MYOM2: variants seen among roughly 807,000 people sequenced by gnomAD.
MYOM2 encodes the protein myomesin-2.
Under a neutral mutation model 187.6 loss-of-function variants are expected in MYOM2, and 254 were observed. The ratio of observed to expected loss-of-function variants is 1.35; its 90% CI spans 1.22 to 1.50. The LOEUF is 1.50. Ranked by LOEUF, MYOM2 falls within the 40% of genes most tolerant of loss-of-function variation. The probability of loss-of-function intolerance (pLI) is 0.00; values close to 1 mark genes in which losing one functional copy is unlikely to be tolerated. For synonymous variants in MYOM2, 981 were observed against 753.8 expected (o/e 1.30, Z -4.94); for missense variants, 2,796 against 1,924.0 (o/e 1.45, Z -8.48).
intron 3 of MYOM2, among the ~76,000 whole-genome samples, chr8:2,053,477 C>T (rs1818557675): frequency 6.6e-6 from 1 of 152,176 alleles, no homozygotes; most frequent in African/African-American, 2.4e-5. Context: ...ATCATTTAAA[C>T]ATTGATGTGA....
At chr8:2,111,564 TC>T (rs1478641014) in intron 25 of MYOM2, among the ~76,000 whole-genome samples, 3 of 152,212 alleles carry the variant, frequency 2.0e-5, no homozygotes, top group Non-Finnish European at 4.4e-5. Flanking sequence ...ATTTATCTGA[TC>T]AACCTGAAGT....
intron 13 of MYOM2, among the ~76,000 whole-genome samples, chr8:2,080,426 C>G (rs1451617377): frequency 1.3e-5 from 2 of 152,210 alleles, no homozygotes; most frequent in African/African-American, 4.8e-5. Flanking sequence ...AGATTTTTCT[C>G]TAGGATCTCA....
intron 18 of MYOM2, chr8:2,097,041 A>T: frequency 1.2e-6 from 1 of 827,428 alleles, no homozygotes; most frequent in Non-Finnish European, 1.5e-6. Flanking sequence ...AGCATAGATG[A>T]ATGACCCTCA....
At chr8:2,132,122 T>C (rs915939075) in intron 32 of MYOM2, among the ~76,000 whole-genome samples, 3 of 152,188 alleles carry the variant, frequency 2.0e-5, no homozygotes, top group Admixed American at 6.5e-5. Flanking sequence ...ATAAGAAAAT[T>C]AGTTGGAAAA....
At chr8:2,122,316 C>T (rs1797484726) in intron 28 of MYOM2, among the ~76,000 whole-genome samples, 1 of 152,188 alleles carries the variant, frequency 6.6e-6, no homozygotes. Flanking sequence ...GGATACCTTC[C>T]ATCTATGTAT....
intron 19 of MYOM2, among the ~76,000 whole-genome samples, chr8:2,100,146 TTCCTTCCTTCC>T (rs1796653203): frequency 7.1e-6 from 1 of 141,796 alleles, no homozygotes; most frequent in African/African-American, 2.7e-5. Context: ...CCTTCCTTCC[TTCCTTCCTTCC>T]TTCCTTCCTT....
At chr8:2,057,549 A>C in intron 4 of MYOM2, 63 bp downstream of exon 4, 1 of 1,612,852 alleles carries the variant, frequency 6.2e-7, no homozygotes, top group Non-Finnish European at 8.5e-7. Flanking sequence ...GCTTGTCTGC[A>C]TGGTGCTTGA....
chr8:2,072,476 C>G lies in MYOM2; in HGVS notation c.925C>G (p.Arg309Gly). 6.2e-7 allele frequency: 1 copy of G among 1,613,856 alleles called. No individual in the cohort carries two copies. Among genetic ancestry groups the G allele is most frequent in the Non-Finnish European group, 8.5e-7 (1 of 1,180,022 alleles). ...CTMLVTPDLK[R>G]VQPRAEWYRD... ...CATGCTGGTGACGCCGGACCTGAAG[C>G]GGGTGCAGCCGCGCGCCGAGTGGTA... Residue 309 changes from arginine (R) to glycine (G), a missense_variant, in exon 9 of 37, where the codon CGG (arginine) becomes GGG (glycine). By Grantham distance (125) the Arg-to-Gly change is moderately radical. Transcript: ENST00000262113.
chr8:2,072,271 T>G, intron 8 of MYOM2, 74 bp from the exon 9 acceptor site: 2 of 1,088,912 alleles, frequency 1.8e-6, no homozygotes, highest in Non-Finnish European at 2.4e-6. Context: ...CTCTCTGCCC[T>G]TCGGCCATGA....
intron 32 of MYOM2, among the ~76,000 whole-genome samples, chr8:2,131,943 A>C (rs1319805911): frequency 6.6e-6 from 1 of 152,104 alleles, no homozygotes; most frequent in African/African-American, 2.4e-5. Context: ...GCAGCCGGCC[A>C]ATAGGCATTT....
At position 2,106,345 on chromosome 8, in the gene MYOM2, C is replaced by T. The variant is rs560428611; in HGVS notation, c.2838C>T (p.Ser946=). ...CGTCTCAGTTCACCTGGTGTAAATC[C>T]TACGAGGAGATTTCAGATGATGAGA... is the stretch of plus-strand genomic sequence containing the variant. The part of the protein sequence containing the change: ...TDASQFTWCK[S]YEEISDDERF... The change falls in exon 22 of 37, where the codon TCC becomes TCT. Residue 946 remains serine (S), a synonymous_variant. Transcript: ENST00000262113. 11 of 1,614,068 alleles carry T rather than the reference C, an allele frequency of 6.8e-6. No individual in the cohort carries two copies. Among genetic ancestry groups the T allele is most frequent in the African/African-American group, 1.3e-5 (1 of 74,940 alleles).
At chr8:2,096,825 G>C (rs1363187479) in intron 18 of MYOM2, among the ~76,000 whole-genome samples, 1 of 152,146 alleles carries the variant, frequency 6.6e-6, no homozygotes, top group Non-Finnish European at 1.5e-5. Flanking sequence ...GAGTAATGTT[G>C]GCTCTCTGCT....
At chr8:2,098,803 T>C in intron 18 of MYOM2, 54 bp from the exon 19 acceptor site, 14 of 1,537,568 alleles carry the variant, frequency 9.1e-6, no homozygotes, top group Non-Finnish European at 1.2e-5. Context: ...TCCCCCTCAG[T>C]GGGCTGTAAG....
intron 13 of MYOM2, among the ~76,000 whole-genome samples, chr8:2,080,211 A>C (rs1819573076): frequency 6.6e-6 from 1 of 152,232 alleles, no homozygotes. Context: ...ATAGAGTGCC[A>C]TGGGTGAAAA....
At chr8:2,117,302 T>C (rs1797281912) in intron 27 of MYOM2, among the ~76,000 whole-genome samples, 1 of 152,344 alleles carries the variant, frequency 6.6e-6, no homozygotes, top group Non-Finnish European at 1.5e-5. Context: ...TATTTTTGCA[T>C]TGAATGGCAA....
At position 2,060,980 on chromosome 8, in the gene MYOM2, G is replaced by A. The variant is rs367911039; in HGVS notation, c.653+1735G>A. On this transcript the variant is annotated intron_variant, in intron 6 of 36. Coordinates refer to ENST00000262113, the MANE Select transcript of MYOM2 (RefSeq NM_003970.4). ...GGGGAGATGGGGGTGAGGGGGTTCC[G>A]GCCGAGCCTCCCCAGCAGGGTTCTG... Among the ~76,000 whole-genome samples, 75 of 152,110 alleles carry A rather than the reference G, an allele frequency of 4.9e-4. 1 individual carries two copies. In the South Asian group the frequency reaches 8.1e-3, roughly 16 times the overall value.
At chr8:2,073,879 C>A (rs1819324349) in intron 10 of MYOM2, among the ~76,000 whole-genome samples, 1 of 152,186 alleles carries the variant, frequency 6.6e-6, no homozygotes, top group South Asian at 2.1e-4. Context: ...GAAGAGCTTC[C>A]TTACTCTCCT....
intron 6 of MYOM2, among the ~76,000 whole-genome samples, chr8:2,064,122 G>T (rs1161711204): frequency 6.6e-6 from 1 of 152,200 alleles, no homozygotes; most frequent in Admixed American, 6.5e-5. Flanking sequence ...GGAAGTCTCC[G>T]CGAGAGTGGC....
intron 17 of MYOM2, among the ~76,000 whole-genome samples, chr8:2,095,406 C>T (rs952913778): frequency 1.3e-5 from 2 of 151,934 alleles, no homozygotes; most frequent in African/African-American, 4.8e-5. Context: ...ATCCTCATGC[C>T]TCAGCCTCCT....
Sources: gnomAD v4.1 joint callset for allele counts (sites outside exome capture counted in the v4.1 genomes callset) on GRCh38, gnomAD v4.1.1 for gene constraint, MANE v1.5 for transcripts, NCBI Gene and HGNC (gene_info 2026-07-23, HGNC 2026-07-21) for gene names.